Variants in PSTPIP2 observed in about 807,000 individuals in gnomAD.
The protein encoded by PSTPIP2 is proline-serine-threonine phosphatase interacting protein 2, also known as proline-serine-threonine phosphatase-interacting protein 2.
PSTPIP2 carries 33 observed loss-of-function variants against 63.3 expected under a neutral mutation model. That is an observed-to-expected ratio of 0.52 (90% CI 0.40 to 0.70). The LOEUF is 0.70. Ranked by LOEUF, PSTPIP2 falls within the 30% of genes least tolerant of loss-of-function variation. The pLI is 0.00. For synonymous variants in PSTPIP2, 125 were observed against 132.7 expected (o/e 0.94, Z 0.40); for missense variants, 312 against 400.7 (o/e 0.78, Z 1.89).
chr18:45,998,646 T>C, intron 8 of PSTPIP2, 148 bp downstream of exon 8: 37 of 725,620 alleles, frequency 5.1e-5, no homozygotes, highest in South Asian at 1.3e-4. Context: ...CCTTCCTCCC[T>C]TTTTCCCTTC....
At chr18:46,058,566 G>A (rs1270350890) in intron 1 of PSTPIP2, among the ~76,000 whole-genome samples, 1 of 151,922 alleles carries the variant, frequency 6.6e-6, no homozygotes, top group Non-Finnish European at 1.5e-5. Context: ...TCACCGTGTT[G>A]GCCAGGCTGG....
Position 45,985,217 on chromosome 18 carries a change from G to A in PSTPIP2, c.*242C>T, listed in dbSNP as rs915269432. 2 of 549,606 alleles carry A rather than the reference G, an allele frequency of 3.6e-6. No individual in the cohort carries two copies. The highest frequency in any genetic ancestry group is 2.0e-5 in the African/African-American group (1 of 51,236). 34.0% of individuals were successfully genotyped at this position (549,606 alleles called of 1,614,324 possible). ...AAAACCTAATTCATTCATAACCTGAGTAACTGGGAAAGAATAATTCTTCAG... is the reference window on the plus strand; with the variant it reads ...AAAACCTAATTCATTCATAACCTGAATAACTGGGAAAGAATAATTCTTCAG... On this transcript the variant is annotated 3_prime_UTR_variant, in exon 15 of 15. Transcript: ENST00000409746.
At chr18:45,993,024 C>A (rs1002176461) in intron 10 of PSTPIP2, among the ~76,000 whole-genome samples, 2 of 152,168 alleles carry the variant, frequency 1.3e-5, no homozygotes, top group Non-Finnish European at 2.9e-5. Flanking sequence ...CCGTGCCCAG[C>A]CTACATTTAC....
At chr18:46,052,498 C>A (rs1329969043) in intron 1 of PSTPIP2, among the ~76,000 whole-genome samples, 3 of 152,116 alleles carry the variant, frequency 2.0e-5, no homozygotes, top group Non-Finnish European at 4.4e-5. Context: ...CAGCTGCTAA[C>A]TGGGGAACCT....
At chr18:46,024,555 A>C in intron 3 of PSTPIP2, 54 bp downstream of exon 3, 2 of 1,443,844 alleles carry the variant, frequency 1.4e-6, no homozygotes, top group South Asian at 2.3e-5. Context: ...GAAGCGAGGG[A>C]GCTCCCAGGC....
intron 1 of PSTPIP2, among the ~76,000 whole-genome samples, chr18:46,049,457 C>A (rs1342614996): frequency 6.6e-6 from 1 of 150,778 alleles, no homozygotes; most frequent in Non-Finnish European, 1.5e-5. Flanking sequence ...TATCCCTGAA[C>A]TTAAAATAAA....
chr18:45,993,398 A>C (rs547743695), intron 10 of PSTPIP2, among the ~76,000 whole-genome samples: 1 of 152,332 alleles, frequency 6.6e-6, no homozygotes, highest in East Asian at 1.9e-4. Flanking sequence ...CCCAGCCATG[A>C]ATCTCTTAAT....
intron 2 of PSTPIP2, among the ~76,000 whole-genome samples, chr18:46,027,769 G>A (rs1411876663): frequency 6.6e-6 from 1 of 152,146 alleles, no homozygotes; most frequent in Non-Finnish European, 1.5e-5. Context: ...CTGAAGTGAA[G>A]CTGAAAGAAT....
intron 2 of PSTPIP2, chr18:46,029,002 G>A: frequency 1.2e-6 from 1 of 868,294 alleles, no homozygotes; most frequent in Non-Finnish European, 2.0e-6. Context: ...TGCACAGATT[G>A]TGATGGTCGC....
At chr18:45,999,664 T>C (rs1279397552) in intron 6 of PSTPIP2, 130 bp from the exon 7 acceptor site, 1 of 813,670 alleles carries the variant, frequency 1.2e-6, no homozygotes, top group Non-Finnish European at 2.0e-6. Flanking sequence ...CACTAAGCCA[T>C]GGGCTCCCAG....
intron 1 of PSTPIP2, among the ~76,000 whole-genome samples, chr18:46,051,368 G>A (rs1413447292): frequency 6.6e-6 from 1 of 152,120 alleles, no homozygotes; most frequent in Non-Finnish European, 1.5e-5. Context: ...CCAGCTACAT[G>A]GGAGGCTGAG....
intron 9 of PSTPIP2, 110 bp from the exon 10 acceptor site, chr18:45,993,813 T>G (rs1001526815): frequency 3.3e-6 from 3 of 919,978 alleles, no homozygotes; most frequent in Admixed American, 2.0e-5. Context: ...GTAAACTTAT[T>G]GTCCAATTTA....
intron 3 of PSTPIP2, among the ~76,000 whole-genome samples, chr18:46,016,846 A>C (rs747813498): frequency 2.0e-5 from 3 of 152,168 alleles, no homozygotes; most frequent in Admixed American, 6.5e-5. Flanking sequence ...AATACCTAAG[A>C]ATGCTTTAAC....
chr18:46,009,872 A>G (rs573706472), intron 5 of PSTPIP2, among the ~76,000 whole-genome samples: 5 of 152,162 alleles, frequency 3.3e-5, no homozygotes, highest in African/African-American at 7.2e-5. Context: ...TGACCATCCA[A>G]TGGGTTTAAT....
chr18:46,024,461 C>A, intron 3 of PSTPIP2, 148 bp downstream of exon 3: 1 of 698,626 alleles, frequency 1.4e-6, no homozygotes, highest in Non-Finnish European at 2.6e-6. Flanking sequence ...TTGAGCCCAG[C>A]CTGGACAAAA....
At chr18:46,051,174 A>G (rs1908568822) in intron 1 of PSTPIP2, among the ~76,000 whole-genome samples, 1 of 152,098 alleles carries the variant, frequency 6.6e-6, no homozygotes, top group African/African-American at 2.4e-5. Context: ...TTGGATTCTC[A>G]TAACAAAAAT....
intron 2 of PSTPIP2, among the ~76,000 whole-genome samples, chr18:46,026,150 T>C (rs1267885621): frequency 6.6e-6 from 1 of 152,176 alleles, no homozygotes; most frequent in Non-Finnish European, 1.5e-5. Context: ...CAAAGTGTCC[T>C]CCAAAAAAGT....
At chr18:46,038,390 G>A (rs1908060597) in intron 2 of PSTPIP2, among the ~76,000 whole-genome samples, 1 of 152,104 alleles carries the variant, frequency 6.6e-6, no homozygotes. Flanking sequence ...GGCCCCCCAG[G>A]CAGTCAGTGC....
intron 1 of PSTPIP2, among the ~76,000 whole-genome samples, chr18:46,067,649 C>A (rs144387579): frequency 9.3e-4 from 142 of 152,262 alleles, no homozygotes; most frequent in African/African-American, 3.2e-3. Context: ...AACAGGGGAG[C>A]TTTCAGCCAA....
Sources: gnomAD v4.1 joint callset for allele counts (sites outside exome capture counted in the v4.1 genomes callset) on GRCh38, gnomAD v4.1.1 for gene constraint, MANE v1.5 for transcripts, NCBI Gene and HGNC (gene_info 2026-07-23, HGNC 2026-07-21) for gene names.